Variants in ZNF689 observed in about 807,000 individuals in gnomAD.
The protein encoded by ZNF689 is zinc finger protein 689.
A neutral mutation model predicts 37.2 loss-of-function variants in ZNF689; 14 were observed. That is an observed-to-expected ratio of 0.38 (90% CI 0.25 to 0.59). The LOEUF (loss-of-function observed/expected upper bound fraction) is 0.59. Among genes scored for constraint, ZNF689 ranks in the 20% least tolerant of loss-of-function variants. The probability of loss-of-function intolerance (pLI) is 0.68; values close to 1 mark genes in which losing one functional copy is unlikely to be tolerated. For missense variants in ZNF689, 573 were observed against 700.2 expected (o/e 0.82, Z 2.05); for synonymous variants, 277 against 283.3 (o/e 0.98, Z 0.22).
chr16:30,609,541 C>A lies in ZNF689; in HGVS notation c.303G>T (p.Gly101=), dbSNP rs912866511. The A allele has an allele frequency of 2.5e-5, 41 of 1,613,984 alleles. No individual in the cohort carries two copies. Among genetic ancestry groups the A allele is most frequent in the Non-Finnish European group, 3.1e-5 (36 of 1,180,016 alleles). The change falls in exon 2 of 3, where the codon GGG becomes GGT. Residue 101 remains glycine (G), a synonymous_variant. Transcript: ENST00000287461. Reference sequence around the variant, plus strand: ...AGCACTCACTTCTCTGGACTGTTAGCCCTCTCGGGTACTCCTGCGGATCTA... The same window carrying A: ...AGCACTCACTTCTCTGGACTGTTAGACCTCTCGGGTACTCCTGCGGATCTA... The part of the protein sequence containing the change: ...AALDPQEYPR[G]LTVQRKSRTR...
At chr16:30,609,373 C>T (rs539952316) in intron 2 of ZNF689, 152 bp downstream of exon 2, 6 of 610,464 alleles carry the variant, frequency 9.8e-6, no homozygotes, top group African/African-American at 7.4e-5. Flanking sequence ...TGTGGTGGAC[C>T]GGCCCCACAC....
intron 2 of ZNF689, among the ~76,000 whole-genome samples, chr16:30,607,576 G>C (rs1449127616): frequency 6.6e-6 from 1 of 151,588 alleles, no homozygotes; most frequent in Non-Finnish European, 1.5e-5. Flanking sequence ...GGGTGGAAGA[G>C]CAAAACTCCG....
In ZNF689 at chr16:30,603,575, G is replaced by C. The variant is rs560189384; in HGVS notation, c.*689C>G. ...CAGTGCCTGTTTGCAGAGATCATGT[G>C]TGGAAATTGAAACCCTGTCTTTAAG... On this transcript the variant is annotated 3_prime_UTR_variant, in exon 3 of 3. Transcript: ENST00000287461. 1 of 155,248 alleles carries C rather than the reference G, an allele frequency of 6.4e-6. No homozygotes were observed. Among genetic ancestry groups the C allele is most frequent in the Non-Finnish European group, 1.4e-5 (1 of 70,104 alleles). The allele number at this position is 155,248 out of a possible 1,614,324, so 9.6% of individuals were successfully genotyped here.
chr16:30,603,916 G>C lies in ZNF689; in HGVS notation c.*348C>G, dbSNP rs940417353. On this transcript the variant is annotated 3_prime_UTR_variant, in exon 3 of 3. Transcript: ENST00000287461. Reference sequence around the variant, plus strand: ...GTAGGGGAAGGTCCTGCCCCTATGAGATTCTCCTGATTGCATGCAAGATGA... The same window carrying C: ...GTAGGGGAAGGTCCTGCCCCTATGACATTCTCCTGATTGCATGCAAGATGA... 1 of 410,102 alleles carries C rather than the reference G, an allele frequency of 2.4e-6. No homozygotes were observed. The allele number at this position is 410,102 out of a possible 1,614,324, so 25.4% of individuals were successfully genotyped here.
chr16:30,608,996 C>T (rs1436670302), intron 2 of ZNF689, among the ~76,000 whole-genome samples: 2 of 152,134 alleles, frequency 1.3e-5, no homozygotes, highest in African/African-American at 4.8e-5. Context: ...CAGAAAGAGG[C>T]CCCTGCATCC....
At chr16:30,609,361 TGTG>T in intron 2 of ZNF689, 161 bp downstream of exon 2, 1 of 571,482 alleles carries the variant, frequency 1.7e-6, no homozygotes, top group Non-Finnish European at 3.1e-6. Context: ...TAGGAATCTC[TGTG>T]TGGTGGACCG....
rs377147894 is a variant in ZNF689, at chr16:30,605,814, C to T, written c.320-367G>A. ...TTCTACTAAAAATACAAAAATTAGC[C>T]GGGCGTGGTGGCACGCACCTGTAAT... On this transcript the variant is annotated intron_variant, in intron 2 of 2. Transcript: ENST00000287461. The surrounding 1 kb of genome is among the most constrained non-coding windows in gnomAD (Gnocchi z 5.1). Among the ~76,000 whole-genome samples, 20 of 152,084 alleles carry T rather than the reference C, an allele frequency of 1.3e-4. No homozygotes were observed. Among genetic ancestry groups the T allele is most frequent in the African/African-American group, 4.6e-4 (19 of 41,508 alleles).
At position 30,605,542 on chromosome 16, in the gene ZNF689, G is replaced by C; in HGVS notation, c.320-95C>G. 7.6e-7 allele frequency: 1 copy of C among 1,308,174 alleles called. No homozygotes were observed. The highest frequency in any genetic ancestry group is 1.1e-6 in the Non-Finnish European group (1 of 949,758). The allele number at this position is 1,308,174 out of a possible 1,614,324, so 81.0% of individuals were successfully genotyped here. ...ACAAGACCAATAGACTCACCCCCTG[G>C]TCTCAATTCCTAGTGCCACAGACAG... On this transcript the variant is annotated intron_variant, in intron 2 of 2. Transcript: ENST00000287461. This position sits in a 1 kb window ranked among gnomAD's most constrained non-coding sequence, Gnocchi z 5.1.
At chr16:30,608,123 G>A (rs1019478692) in intron 2 of ZNF689, among the ~76,000 whole-genome samples, 28 of 152,312 alleles carry the variant, frequency 1.8e-4, no homozygotes, top group East Asian at 1.5e-3. Context: ...CCTAGTGCCC[G>A]CTTTGGATTC....
intron 2 of ZNF689, among the ~76,000 whole-genome samples, chr16:30,609,193 T>C (rs2052064978): frequency 6.6e-6 from 1 of 151,196 alleles, no homozygotes; most frequent in Admixed American, 6.6e-5. Flanking sequence ...AACCCCTGCA[T>C]TTTGGGAGGC....
intron 2 of ZNF689, among the ~76,000 whole-genome samples, chr16:30,607,075 A>AC (rs1428546409): frequency 2.0e-5 from 3 of 149,330 alleles, no homozygotes; most frequent in Admixed American, 6.7e-5. Flanking sequence ...ACATGGTGAA[A>AC]CCCCGTCTCT....
At position 30,602,663 on chromosome 16, in the gene ZNF689, T is replaced by G. The variant is rs1407972539; in HGVS notation, c.*1601A>C. 6.6e-6 allele frequency: 1 copy of G among 152,200 alleles called. No homozygotes were observed. The highest frequency in any genetic ancestry group is 2.4e-5 in the African/African-American group (1 of 41,444). The allele number at this position is 152,200 out of a possible 1,614,324, so 9.4% of individuals were successfully genotyped here. Reference sequence around the variant, plus strand: ...ACAGTTACAATGTTACAATGCAACTTGCTAAATATTGAACAGAGGTAATTA... The same window carrying G: ...ACAGTTACAATGTTACAATGCAACTGGCTAAATATTGAACAGAGGTAATTA... On this transcript the variant is annotated 3_prime_UTR_variant, in exon 3 of 3. Transcript: ENST00000287461.
Position 30,604,492 on chromosome 16 carries a change from G to T in ZNF689, c.1275C>A (p.Gly425=). ...LLASHRRVHS[G]ERPYACDLCS... Reference sequence around the variant, plus strand: ...AAAGGTCGCAGGCATAGGGCCGCTCGCCCGAGTGCACGCGCCGGTGGCTGG... The same window carrying T: ...AAAGGTCGCAGGCATAGGGCCGCTCTCCCGAGTGCACGCGCCGGTGGCTGG... The change falls in exon 3 of 3, where the codon GGC becomes GGA. Residue 425 remains glycine, a synonymous_variant. Coordinates refer to ENST00000287461, the MANE Select transcript of ZNF689 (RefSeq NM_138447.3). The surrounding 1 kb of genome is among the most constrained non-coding windows in gnomAD (Gnocchi z 5.2). 1.2e-6 allele frequency: 2 copies of T among 1,601,990 alleles called. No homozygotes were observed. Among genetic ancestry groups the T allele is most frequent in the Non-Finnish European group, 1.7e-6 (2 of 1,174,576 alleles).
intron 2 of ZNF689, among the ~76,000 whole-genome samples, chr16:30,607,655 ATCT>A (rs1464381598): frequency 4.0e-5 from 6 of 151,740 alleles, no homozygotes; most frequent in African/African-American, 9.7e-5. Flanking sequence ...AGGCCCTAAG[ATCT>A]TCTTAGACAC....
In ZNF689 at chr16:30,609,959, G is replaced by A. The variant is rs146604542; in HGVS notation, c.83C>T (p.Ala28Val). 1 of 1,612,290 alleles carries A rather than the reference G, an allele frequency of 6.2e-7. No individual in the cohort carries two copies. The highest frequency in any genetic ancestry group is 8.5e-7 in the Non-Finnish European group (1 of 1,179,554). ...PSRKRGRRPR[A>V]LKFVDVAVYF... ...CACGGCCACGTCCACGAACTTCAGAGCCCTCGGCCTCCTGCCCCTTTTCCG... is the reference window on the plus strand; with the variant it reads ...CACGGCCACGTCCACGAACTTCAGAACCCTCGGCCTCCTGCCCCTTTTCCG... Residue 28 changes from alanine (A) to valine (V), a missense_variant, in exon 1 of 3, where the codon GCT becomes GTT. This residue lies in a region of ZNF689 where 252 missense variants were observed against 313.3 expected (regional missense o/e 0.80). Coordinates refer to ENST00000287461, the MANE Select transcript of ZNF689 (RefSeq NM_138447.3).
rs2052011137 is a variant in ZNF689 at position 30,604,280 on chromosome 16, C to T, written c.1487G>A (p.Arg496Lys). The change falls in exon 3 of 3, where the codon AGG (arginine) becomes AAG (lysine). Residue 496 changes from arginine to lysine, a missense_variant. By Grantham distance (26) the Arg-to-Lys change is conservative. Around this residue, in one of 3 missense-constraint regions of ZNF689, gnomAD observed 317 missense variants for 367.1 expected, o/e 0.86. Coordinates refer to ENST00000287461, the MANE Select transcript of ZNF689 (RefSeq NM_138447.3). This position sits in a 1 kb window ranked among gnomAD's most constrained non-coding sequence, Gnocchi z 5.2. ...CTTCCCCTTCTAATGGGCGTTGCCC[C>T]TCTGACTGGAGCCCCCGATAGCAGA... ...PRSAIGGSSQRGNAH is the reference protein window; with the variant it reads ...PRSAIGGSSQKGNAH 6.8e-6 allele frequency: 11 copies of T among 1,614,046 alleles called. No individual in the cohort carries two copies. Among genetic ancestry groups the T allele is most frequent in the East Asian group, 4.5e-5 (2 of 44,894 alleles).
chr16:30,603,640 G>A lies in ZNF689; in HGVS notation c.*624C>T, dbSNP rs927921964. On this transcript the variant is annotated 3_prime_UTR_variant, in exon 3 of 3. Transcript: ENST00000287461. ...ATGCTACTTAACCTGAAAACTTGGG[G>A]GCAAAGTGGTTGTGATTATCTGAAG... The A allele has an allele frequency of 1.3e-5, 2 of 156,714 alleles. No individual in the cohort carries two copies. Among genetic ancestry groups the A allele is most frequent in the African/African-American group, 4.8e-5 (2 of 41,482 alleles). 9.7% of individuals were successfully genotyped at this position (156,714 alleles called of 1,614,324 possible). A position where few individuals can be genotyped will look rare whatever the true frequency, so the allele number is the denominator to read the frequency against.
In ZNF689 at chr16:30,609,987, T is replaced by C. The variant is rs766380992; in HGVS notation, c.55A>G (p.Ser19Gly). 6.8e-6 allele frequency: 11 copies of C among 1,610,636 alleles called. No homozygotes were observed. Among genetic ancestry groups the C allele is most frequent in the Middle Eastern group, 1.9e-4 (1 of 5,384 alleles). The change falls in exon 1 of 3, where the codon AGT becomes GGT. Residue 19 changes from serine (S) to glycine (G), a missense_variant. By Grantham distance (56) the Ser-to-Gly change is moderately conservative. This residue lies in a region of ZNF689 where 252 missense variants were observed against 313.3 expected (regional missense o/e 0.80). Coordinates refer to ENST00000287461, the MANE Select transcript of ZNF689 (RefSeq NM_138447.3). Reference sequence around the variant, plus strand: ...CTCGGCCTCCTGCCCCTTTTCCGACTGGGTCTGGCCTTTCCTGGTCCCTGC... The same window carrying C: ...CTCGGCCTCCTGCCCCTTTTCCGACCGGGTCTGGCCTTTCCTGGTCCCTGC... ...PAQGPGKARP[S>G]RKRGRRPRAL...
chr16:30,608,028 G>C (rs2052052435), intron 2 of ZNF689, among the ~76,000 whole-genome samples: 1 of 152,194 alleles, frequency 6.6e-6, no homozygotes, highest in South Asian at 2.1e-4. Flanking sequence ...CAGTGACTGG[G>C]TCAAAAGGCC....
Sources: allele counts gnomAD v4.1 joint callset (sites outside exome capture counted in the v4.1 genomes callset), GRCh38; gene constraint gnomAD v4.1.1; regional missense constraint gnomAD v4.1.1; non-coding constraint Gnocchi (gnomAD v3.1); transcripts MANE v1.5; gene names NCBI Gene and HGNC (gene_info 2026-07-23, HGNC 2026-07-21).